Variants in SREK1IP1 observed in about 807,000 individuals in gnomAD.
SREK1IP1 encodes SREK1 interacting protein 1, also known as protein SREK1IP1.
In SREK1IP1, 12 loss-of-function variants were observed where a neutral mutation model predicts 22.8. The observed-to-expected ratio is 0.53, with a 90% confidence interval of 0.34 to 0.85. The LOEUF is 0.85. Ranked by LOEUF, SREK1IP1 falls within the 40% of genes least tolerant of loss-of-function variation. SREK1IP1 has a pLI of 0.02. For missense variants in SREK1IP1, 147 were observed against 171.8 expected (o/e 0.86, Z 0.81); for synonymous variants, 53 against 52.7 (o/e 1.01, Z -0.02).
chr5:64,746,948 C>T (rs1227567745), intron 2 of SREK1IP1, among the ~76,000 whole-genome samples: 1 of 152,168 alleles, frequency 6.6e-6, no homozygotes, highest in African/African-American at 2.4e-5. Flanking sequence ...TAGAAAGGCT[C>T]ACAGAACTCA....
chr5:64,739,992 T>C (rs1268353184), intron 3 of SREK1IP1, among the ~76,000 whole-genome samples: 1 of 152,168 alleles, frequency 6.6e-6, no homozygotes, highest in Non-Finnish European at 1.5e-5. Flanking sequence ...TGTCTAAGAT[T>C]ATATTCAAAT....
intron 2 of SREK1IP1, among the ~76,000 whole-genome samples, chr5:64,744,556 T>G (rs543078120): frequency 2.6e-5 from 4 of 152,308 alleles, no homozygotes; most frequent in South Asian, 2.1e-4. Flanking sequence ...CTCTTTTGTT[T>G]ATTATTCGTT....
chr5:64,764,618 A>T (rs1001334544), intron 1 of SREK1IP1, among the ~76,000 whole-genome samples: 2 of 152,212 alleles, frequency 1.3e-5, no homozygotes, highest in African/African-American at 4.8e-5. Flanking sequence ...ACACTTTAGA[A>T]GCTTAAGAAA....
chr5:64,767,455 A>G (rs1359948306), intron 1 of SREK1IP1, among the ~76,000 whole-genome samples: 2 of 152,160 alleles, frequency 1.3e-5, no homozygotes, highest in African/African-American at 2.4e-5. Flanking sequence ...CTTAATAAAG[A>G]GTGTACATTT....
At chr5:64,737,201 T>C (rs1042416635) in intron 3 of SREK1IP1, among the ~76,000 whole-genome samples, 2 of 151,972 alleles carry the variant, frequency 1.3e-5, no homozygotes, top group African/African-American at 4.8e-5. Flanking sequence ...AAATAAGTCT[T>C]CACAAATTTA....
chr5:64,727,553 A>ATTTTTTTTTTTTTT (rs1186653493), intron 4 of SREK1IP1: 5 of 84,714 alleles, frequency 5.9e-5, no homozygotes, highest in African/African-American at 2.7e-4. Context: ...ATATATATAT[A>ATTTTTTTTTTTTTT]TTTTTTTTTT....
At chr5:64,727,037 A>C (rs58102504) in intron 4 of SREK1IP1, among the ~76,000 whole-genome samples, 10,137 of 152,152 alleles carry the variant, frequency 0.067, 1,100 homozygotes, top group African/African-American at 0.23. Context: ...CTGAGCTCTA[A>C]ATTCCTATTT....
intron 4 of SREK1IP1, chr5:64,727,706 G>C (rs1180446844): frequency 1.3e-5 from 2 of 152,442 alleles, no homozygotes; most frequent in South Asian, 2.1e-4. Flanking sequence ...CACCACACTT[G>C]GATAATTTTT....
At chr5:64,762,872 T>C (rs1742974415) in intron 1 of SREK1IP1, among the ~76,000 whole-genome samples, 1 of 151,794 alleles carries the variant, frequency 6.6e-6, no homozygotes, top group South Asian at 2.1e-4. Flanking sequence ...GGCAATATGG[T>C]GAAACTCCAT....
Position 64,722,196 on chromosome 5 carries a change from C to T in SREK1IP1, c.*2188G>A, listed in dbSNP as rs1742174546. ...TTATGGGAAATTTACTTAGAAATGC[C>T]AACATCATTTCTGGGGGGAAAATTA... On this transcript the variant is annotated 3_prime_UTR_variant, in exon 5 of 5. Coordinates refer to ENST00000513458, the MANE Select transcript of SREK1IP1 (RefSeq NM_173829.4). 6.6e-6 allele frequency: 1 copy of T among 151,924 alleles called. No homozygotes were observed. The highest frequency in any genetic ancestry group is 2.4e-5 in the African/African-American group (1 of 41,358). 9.4% of individuals were successfully genotyped at this position (151,924 alleles called of 1,614,324 possible).
chr5:64,743,586 T>G (rs576172014), intron 2 of SREK1IP1, among the ~76,000 whole-genome samples: 6 of 152,214 alleles, frequency 3.9e-5, no homozygotes, highest in Admixed American at 1.3e-4. Flanking sequence ...AAGTATTGAT[T>G]TGTCAATAAT....
chr5:64,734,981 G>T (rs988612620), intron 3 of SREK1IP1, among the ~76,000 whole-genome samples: 2 of 151,878 alleles, frequency 1.3e-5, no homozygotes, highest in African/African-American at 4.8e-5. Context: ...TATTTGCCTT[G>T]TTTCTTATGT....
chr5:64,752,174 T>TG (rs1314966704), intron 2 of SREK1IP1, among the ~76,000 whole-genome samples: 1 of 124,498 alleles, frequency 8.0e-6, no homozygotes, highest in Non-Finnish European at 1.6e-5. Context: ...TTTTTTTAGA[T>TG]GGAGTCTCGC....
At chr5:64,741,025 A>AT in intron 3 of SREK1IP1, 32 bp downstream of exon 3, 1 of 1,584,706 alleles carries the variant, frequency 6.3e-7, no homozygotes, top group Admixed American at 1.7e-5. Context: ...ATTTACAAAC[A>AT]TTTCTAAAGA....
chr5:64,766,414 A>C (rs748915450), intron 1 of SREK1IP1, among the ~76,000 whole-genome samples: 3 of 151,966 alleles, frequency 2.0e-5, no homozygotes, highest in Non-Finnish European at 4.4e-5. Flanking sequence ...ACTCCTAGTG[A>C]CTCTACCACC....
intron 3 of SREK1IP1, among the ~76,000 whole-genome samples, chr5:64,739,881 C>A (rs1014769214): frequency 6.6e-6 from 1 of 151,964 alleles, no homozygotes; most frequent in Non-Finnish European, 1.5e-5. Flanking sequence ...CTTAACTGGA[C>A]ATAATATGGA....
chr5:64,743,049 T>A (rs1580546483), intron 2 of SREK1IP1, among the ~76,000 whole-genome samples: 1 of 152,182 alleles, frequency 6.6e-6, no homozygotes, highest in African/African-American at 2.4e-5. Flanking sequence ...CTGTATGATA[T>A]TAGTTCTTTG....
intron 2 of SREK1IP1, among the ~76,000 whole-genome samples, chr5:64,753,387 A>G (rs1742782883): frequency 6.6e-6 from 1 of 152,222 alleles, no homozygotes; most frequent in South Asian, 2.1e-4. Flanking sequence ...CATTGCACTC[A>G]TTTCTTGCGT....
chr5:64,724,297 A>G lies in SREK1IP1; in HGVS notation c.*87T>C, dbSNP rs1428278596. ...ATGGAAAAGGCTGTGATTTATTGCA[A>G]AGCATAATATATAGCAAATTCCAAG... On this transcript the variant is annotated 3_prime_UTR_variant, in exon 5 of 5. Transcript: ENST00000513458. 2.1e-5 allele frequency: 25 copies of G among 1,172,888 alleles called. No individual in the cohort carries two copies. Among genetic ancestry groups the G allele is most frequent in the Non-Finnish European group, 2.9e-5 (25 of 853,410 alleles). 72.7% of individuals were successfully genotyped at this position (1,172,888 alleles called of 1,614,324 possible).
Sources: allele counts gnomAD v4.1 joint callset (sites outside exome capture counted in the v4.1 genomes callset), GRCh38; gene constraint gnomAD v4.1.1; transcripts MANE v1.5; gene names NCBI Gene and HGNC (gene_info 2026-07-23, HGNC 2026-07-21).